Variants in RGS17 observed in about 807,000 individuals in gnomAD.
The protein encoded by RGS17 is regulator of G protein signaling 17, also known as regulator of G-protein signaling 17.
In RGS17, 12 loss-of-function variants were observed where a neutral mutation model predicts 25.5. The observed-to-expected ratio is 0.47, with a 90% CI of 0.30 to 0.76. The LOEUF is 0.76. Among genes scored for constraint, RGS17 ranks in the 30% least tolerant of loss-of-function variants. The pLI, the probability that RGS17 is intolerant of heterozygous loss-of-function variation, is 0.07. For missense variants in RGS17, 196 were observed against 242.2 expected (o/e 0.81, Z 1.27); for synonymous variants, 71 against 76.9 (o/e 0.92, Z 0.40).
chr6:153,090,357 A>T (rs1777109818), intron 1 of RGS17, among the ~76,000 whole-genome samples: 1 of 151,828 alleles, frequency 6.6e-6, no homozygotes, highest in African/African-American at 2.4e-5. Context: ...TCACATCTGT[A>T]ATTCAAGGAC....
chr6:153,046,679 CAA>C (rs1346235422), intron 1 of RGS17, among the ~76,000 whole-genome samples: 2 of 151,858 alleles, frequency 1.3e-5, no homozygotes, highest in Non-Finnish European at 2.9e-5. Flanking sequence ...CAGAATTCAG[CAA>C]AGAGTGAAGA....
chr6:153,032,178 C>T (rs975544535), intron 2 of RGS17, among the ~76,000 whole-genome samples: 1 of 152,144 alleles, frequency 6.6e-6, no homozygotes. Context: ...ACATTTCAGA[C>T]ACATAGAAAC....
At position 153,011,746 on chromosome 6, in the gene RGS17, C is replaced by T. The variant is rs1444271334; in HGVS notation, c.461G>A (p.Arg154Gln). 4.4e-6 allele frequency: 7 copies of T among 1,605,896 alleles called. No individual in the cohort carries two copies. Among genetic ancestry groups the T allele is most frequent in the Non-Finnish European group, 5.9e-6 (7 of 1,177,612 alleles). ...ATTTCTATTGATCACCTCTCTAACT[C>T]GAGAATCAAGACTGACCTAAAAAGA... is the stretch of plus-strand genomic sequence containing the variant. ...LSPKEVSLDSRVREVINRNLL... is the reference protein window; with the variant it reads ...LSPKEVSLDSQVREVINRNLL... The change falls in exon 5 of 5, where the codon CGA becomes CAA. Residue 154 changes from arginine to glutamine, a missense_variant. Physicochemically the swap from Arg to Gln is conservative, Grantham distance 43. Coordinates refer to ENST00000206262, the MANE Select transcript of RGS17 (RefSeq NM_012419.5).
At chr6:153,077,803 A>G (rs1267049208) in intron 1 of RGS17, among the ~76,000 whole-genome samples, 1 of 152,168 alleles carries the variant, frequency 6.6e-6, no homozygotes, top group Admixed American at 6.6e-5. Flanking sequence ...TTGTCTTCCA[A>G]GACATACTGA....
At chr6:153,115,922 T>A (rs1331251430) in intron 1 of RGS17, among the ~76,000 whole-genome samples, 1 of 152,184 alleles carries the variant, frequency 6.6e-6, no homozygotes, top group Non-Finnish European at 1.5e-5. Context: ...AAAAATTAAC[T>A]AAAGATAGAT....
intron 2 of RGS17, 67 bp downstream of exon 2, chr6:153,043,833 T>G: frequency 1.1e-6 from 1 of 884,258 alleles, no homozygotes; most frequent in African/African-American, 1.8e-5. Context: ...TTCTGAGATT[T>G]GGCATGCATG....
At position 153,009,670 on chromosome 6, in the gene RGS17, C is replaced by A. The variant is rs1483268821; in HGVS notation, c.*1904G>T. ...AATGATTATTATAAATATTTTCTAT[C>A]TTGCATTTTAACTGCATTTTCATAA... is the stretch of plus-strand genomic sequence containing the variant. On this transcript the variant is annotated 3_prime_UTR_variant, in exon 5 of 5. Coordinates refer to ENST00000206262, the MANE Select transcript of RGS17 (RefSeq NM_012419.5). The A allele has an allele frequency of 6.6e-6, 1 of 151,894 alleles. No homozygotes were observed. The highest frequency in any genetic ancestry group is 1.5e-5 in the Non-Finnish European group (1 of 67,866). 9.4% of individuals were successfully genotyped at this position (151,894 alleles called of 1,614,324 possible). A position where few individuals can be genotyped will look rare whatever the true frequency, so the allele number is the denominator to read the frequency against.
rs372490597 is a variant in RGS17, at chr6:153,030,966, G to A, written c.120-4423C>T. 1.1e-3 allele frequency among the ~76,000 whole-genome samples: 166 copies of A among 152,310 alleles called. 5 individuals are homozygous for A. The South Asian group carries it at 0.033, about 30-fold the overall frequency. ...AATTGAGAAAGGCTTCACAGAAGAC[G>A]TAAAGATTAAATTGGGTTGAAAATG... On this transcript the variant is annotated intron_variant, in intron 2 of 4. Coordinates refer to ENST00000206262, the MANE Select transcript of RGS17 (RefSeq NM_012419.5).
At chr6:153,030,472 A>G (rs1779350355) in intron 2 of RGS17, among the ~76,000 whole-genome samples, 1 of 152,236 alleles carries the variant, frequency 6.6e-6, no homozygotes. Flanking sequence ...TGAAGAATCA[A>G]TAAGATGCCT....
chr6:153,064,710 AAC>A (rs1426409881), intron 1 of RGS17, among the ~76,000 whole-genome samples: 1 of 152,142 alleles, frequency 6.6e-6, no homozygotes, highest in Non-Finnish European at 1.5e-5. Context: ...TGTTTATGCA[AAC>A]AGTGTTAAGT....
intron 2 of RGS17, among the ~76,000 whole-genome samples, chr6:153,041,521 T>C (rs1268623855): frequency 2.0e-5 from 3 of 152,200 alleles, no homozygotes; most frequent in African/African-American, 7.2e-5. Flanking sequence ...CCTTTAAAAA[T>C]TGATAAAAGC....
Position 153,012,283 on chromosome 6 carries a change from T to C in RGS17, c.445-521A>G, listed in dbSNP as rs948768665. Among the ~76,000 whole-genome samples the C allele has an allele frequency of 2.6e-5, 4 of 152,298 alleles. No individual in the cohort carries two copies. In the East Asian group the frequency reaches 7.7e-4, roughly 29 times the overall value. On this transcript the variant is annotated intron_variant, in intron 4 of 4. Transcript: ENST00000206262. ...AGGAAACCAAGAGTGTGGCAGGGCATGCAATGAGCAGGTATGCTTCAGGTC... is the reference window on the plus strand; with the variant it reads ...AGGAAACCAAGAGTGTGGCAGGGCACGCAATGAGCAGGTATGCTTCAGGTC...
At chr6:153,110,392 T>C (rs1296380174) in intron 1 of RGS17, among the ~76,000 whole-genome samples, 2 of 151,286 alleles carry the variant, frequency 1.3e-5, no homozygotes, top group Admixed American at 1.3e-4. Context: ...CTTTATACTT[T>C]AGGCAATTTT....
intron 1 of RGS17, among the ~76,000 whole-genome samples, chr6:153,085,642 T>C (rs1242426567): frequency 6.6e-6 from 1 of 152,230 alleles, no homozygotes; most frequent in Non-Finnish European, 1.5e-5. Context: ...ATAATAACTT[T>C]TGAGTAGCAC....
At chr6:153,037,402 T>A (rs1047504591) in intron 2 of RGS17, among the ~76,000 whole-genome samples, 4 of 151,860 alleles carry the variant, frequency 2.6e-5, no homozygotes, top group Non-Finnish European at 4.4e-5. Flanking sequence ...ACTGGCCAAA[T>A]AATGTAAGCC....
chr6:153,085,094 T>C (rs1647661574), intron 1 of RGS17, among the ~76,000 whole-genome samples: 1 of 152,152 alleles, frequency 6.6e-6, no homozygotes, highest in South Asian at 2.1e-4. Context: ...ATGGTTGTAG[T>C]AAGGTATATA....
In RGS17 at chr6:153,010,146, C is replaced by T. The variant is rs995192306; in HGVS notation, c.*1428G>A. 1 of 151,572 alleles carries T rather than the reference C, an allele frequency of 6.6e-6. No homozygotes were observed. Among genetic ancestry groups the T allele is most frequent in the African/African-American group, 2.4e-5 (1 of 41,312 alleles). 9.4% of individuals were successfully genotyped at this position (151,572 alleles called of 1,614,324 possible). The stretch of plus-strand genomic sequence containing the variant: ...TTTTTAAAACTTTCATTTTAGGTTA[C>T]TCAGTATTATATTCATTCAGTTTAA... On this transcript the variant is annotated 3_prime_UTR_variant, in exon 5 of 5. Coordinates refer to ENST00000206262, the MANE Select transcript of RGS17 (RefSeq NM_012419.5).
rs1170771868 is a variant in RGS17, at chr6:153,011,574, T to C, written c.633A>G (p.Ter211=). ...CAAAATGATTGTTTTTAAATGAACA[T>C]TAAGATTCAGAAGAAGAGCCAGCAG... The part of the protein sequence containing the change: ...ESTAGSSSES[*] The change falls in exon 5 of 5, where the codon TAA becomes TAG. Residue 211 remains the stop codon, a stop_retained_variant. Coordinates refer to ENST00000206262, the MANE Select transcript of RGS17 (RefSeq NM_012419.5). 4 of 1,592,436 alleles carry C rather than the reference T, an allele frequency of 2.5e-6. No individual in the cohort carries two copies. The South Asian group carries it at 4.5e-5, about 18-fold the overall frequency.
At chr6:153,108,107 C>T (rs188759955) in intron 1 of RGS17, among the ~76,000 whole-genome samples, 2 of 152,280 alleles carry the variant, frequency 1.3e-5, no homozygotes, top group East Asian at 1.9e-4. Context: ...CCAAAAAGTG[C>T]CACCTCCTTT....
Sources: gnomAD v4.1 joint callset for allele counts (sites outside exome capture counted in the v4.1 genomes callset) on GRCh38, gnomAD v4.1.1 for gene constraint, MANE v1.5 for transcripts, NCBI Gene and HGNC (gene_info 2026-07-23, HGNC 2026-07-21) for gene names.